The following RUNDC3B variants were observed in gnomAD, a reference collection of about 807,000 sequenced individuals.
RUNDC3B encodes RUN domain-containing protein 3B.
A neutral mutation model predicts 58.4 loss-of-function variants in RUNDC3B; 33 were observed. The ratio of observed to expected loss-of-function variants is 0.56; its 90% CI spans 0.43 to 0.75. The LOEUF (loss-of-function observed/expected upper bound fraction) is 0.75. Among genes scored for constraint, RUNDC3B ranks in the 30% least tolerant of loss-of-function variants. RUNDC3B has a pLI of 0.00. For missense variants in RUNDC3B, 501 were observed against 535.7 expected (o/e 0.94, Z 0.64); for synonymous variants, 193 against 195.2 (o/e 0.99, Z 0.10).
At chr7:87,827,397 G>T (rs1837875263) in intron 10 of RUNDC3B, among the ~76,000 whole-genome samples, 1 of 152,130 alleles carries the variant, frequency 6.6e-6, no homozygotes, top group African/African-American at 2.4e-5. Context: ...TGAGGCAGGT[G>T]AATTGCTTGA....
chr7:87,719,266 T>C (rs1830729610), intron 4 of RUNDC3B, among the ~76,000 whole-genome samples: 1 of 151,986 alleles, frequency 6.6e-6, no homozygotes. Context: ...AAGAAGTCTT[T>C]TACTTTTGTG....
chr7:87,814,104 T>C (rs1208318504), intron 9 of RUNDC3B, among the ~76,000 whole-genome samples: 2 of 149,900 alleles, frequency 1.3e-5, no homozygotes, highest in Non-Finnish European at 3.0e-5. Flanking sequence ...TTCTTTCCTT[T>C]TTTTTTTTTT....
intron 1 of RUNDC3B, 105 bp downstream of exon 1, chr7:87,629,050 G>C: frequency 4.6e-6 from 5 of 1,097,646 alleles, no homozygotes; most frequent in Non-Finnish European, 5.9e-6. Flanking sequence ...CTGCCGCCCA[G>C]TGCCCCCGCC....
At chr7:87,677,978 G>T (rs998083264) in intron 2 of RUNDC3B, among the ~76,000 whole-genome samples, 2 of 152,096 alleles carry the variant, frequency 1.3e-5, no homozygotes, top group Non-Finnish European at 2.9e-5. Flanking sequence ...ACAAAATAAA[G>T]AAATTCCCAG....
intron 6 of RUNDC3B, among the ~76,000 whole-genome samples, chr7:87,751,660 C>G (rs547243604): frequency 6.6e-6 from 1 of 152,026 alleles, no homozygotes; most frequent in African/African-American, 2.4e-5. Context: ...TGGGAGTTCA[C>G]TCATGATTTG....
chr7:87,668,459 TG>T (rs928149746), intron 2 of RUNDC3B, among the ~76,000 whole-genome samples: 12 of 152,020 alleles, frequency 7.9e-5, no homozygotes, highest in Non-Finnish European at 1.2e-4. Context: ...ATCTTTTGAT[TG>T]TTTTTTTTGT....
At chr7:87,725,443 G>C (rs1831165276) in intron 4 of RUNDC3B, among the ~76,000 whole-genome samples, 2 of 152,146 alleles carry the variant, frequency 1.3e-5, no homozygotes, top group South Asian at 4.1e-4. Context: ...TGGCTGCATA[G>C]TATTCCATGG....
At chr7:87,821,619 C>CA (rs549576569) in intron 10 of RUNDC3B, among the ~76,000 whole-genome samples, 152 of 152,328 alleles carry the variant, frequency 1.0e-3, no homozygotes, top group African/African-American at 3.6e-3. Context: ...CCAGAGGCAT[C>CA]ACGCTACCTG....
At chr7:87,753,393 C>T (rs1047364706) in intron 6 of RUNDC3B, among the ~76,000 whole-genome samples, 3 of 152,010 alleles carry the variant, frequency 2.0e-5, no homozygotes, top group Admixed American at 1.3e-4. Flanking sequence ...ATTAGGTCCA[C>T]TTGGTGCAGA....
chr7:87,635,503 C>T (rs913686076), intron 1 of RUNDC3B, among the ~76,000 whole-genome samples: 2 of 152,118 alleles, frequency 1.3e-5, no homozygotes, highest in Non-Finnish European at 2.9e-5. Flanking sequence ...TCTCATGCAG[C>T]TGTTAGAAAT....
chr7:87,775,676 A>G (rs894847226), intron 7 of RUNDC3B, among the ~76,000 whole-genome samples: 1 of 152,042 alleles, frequency 6.6e-6, no homozygotes, highest in Admixed American at 6.6e-5. Context: ...TGCCTTTTTT[A>G]AAAAAAATCT....
At chr7:87,736,867 A>C (rs1831974835) in intron 4 of RUNDC3B, among the ~76,000 whole-genome samples, 1 of 35,512 alleles carries the variant, frequency 2.8e-5, no homozygotes, top group African/African-American at 1.1e-4. Flanking sequence ...ATATATATAT[A>C]TATATATATA....
At chr7:87,785,245 A>G (rs1835146769) in intron 8 of RUNDC3B, among the ~76,000 whole-genome samples, 1 of 151,984 alleles carries the variant, frequency 6.6e-6, no homozygotes, top group Non-Finnish European at 1.5e-5. Context: ...GTTCCAGGCC[A>G]TGGGGCTCCC....
intron 4 of RUNDC3B, among the ~76,000 whole-genome samples, chr7:87,712,163 C>T (rs1015766473): frequency 1.3e-5 from 2 of 151,702 alleles, no homozygotes; most frequent in Admixed American, 1.3e-4. Flanking sequence ...TAAGTTTGAC[C>T]AGGATAGAAA....
intron 6 of RUNDC3B, among the ~76,000 whole-genome samples, chr7:87,751,074 A>T (rs1175869317): frequency 6.6e-6 from 1 of 152,170 alleles, no homozygotes; most frequent in Non-Finnish European, 1.5e-5. Flanking sequence ...TAAGGAAGGG[A>T]TCCAGTTTCA....
chr7:87,641,428 A>T (rs944022327), intron 1 of RUNDC3B, among the ~76,000 whole-genome samples: 30 of 152,198 alleles, frequency 2.0e-4, no homozygotes, highest in African/African-American at 7.2e-4. Flanking sequence ...GGTTTTAACC[A>T]TGGTTAGTCT....
chr7:87,743,260 T>C (rs933978567), intron 6 of RUNDC3B, among the ~76,000 whole-genome samples: 13 of 152,360 alleles, frequency 8.5e-5, no homozygotes, highest in Admixed American at 2.6e-4. Flanking sequence ...AGTTGCGAAT[T>C]GTGCTGCTAT....
intron 8 of RUNDC3B, among the ~76,000 whole-genome samples, chr7:87,790,638 T>C (rs1835474900): frequency 6.6e-6 from 1 of 151,794 alleles, no homozygotes; most frequent in Non-Finnish European, 1.5e-5. Flanking sequence ...AACAAAGAGA[T>C]TGAAATAATT....
At chr7:87,656,019 C>T (rs1413579955) in intron 2 of RUNDC3B, among the ~76,000 whole-genome samples, 1 of 152,012 alleles carries the variant, frequency 6.6e-6, no homozygotes, top group Non-Finnish European at 1.5e-5. Context: ...CTCACTAGAC[C>T]CCAAATCTGA....
Sources: allele counts gnomAD v4.1 joint callset (sites outside exome capture counted in the v4.1 genomes callset), GRCh38; gene constraint gnomAD v4.1.1; transcripts MANE v1.5; gene names NCBI Gene and HGNC (gene_info 2026-07-23, HGNC 2026-07-21).